ZNF318: variants seen among roughly 807,000 people sequenced by gnomAD.
The protein encoded by ZNF318 is zinc finger protein 318, also known as endocrine regulator.
In ZNF318, 51 loss-of-function variants were observed where a neutral mutation model predicts 124.2. The ratio of observed to expected loss-of-function variants is 0.41; its 90% CI spans 0.33 to 0.52. The LOEUF (loss-of-function observed/expected upper bound fraction) is 0.52, where lower values mean the gene tolerates loss of function less well. Ranked by LOEUF, ZNF318 falls within the 20% of genes least tolerant of loss-of-function variation. ZNF318 has a pLI of 0.23. For synonymous variants in ZNF318, 1,090 were observed against 1,040.7 expected, an observed-to-expected ratio of 1.05 and a Z score of -0.91; for missense variants, 2,815 against 2,811.2, an observed-to-expected ratio of 1.00 and a Z score of -0.03.
At position 43,337,820 on chromosome 6, in the gene ZNF318, C is replaced by T. The variant is rs750566293; in HGVS notation, c.6178G>A (p.Ala2060Thr). The change falls in exon 10 of 10, where the codon GCT (alanine) becomes ACT (threonine). Residue 2060 changes from alanine to threonine, a missense_variant. Ala to Thr is a moderately conservative substitution (Grantham distance 58, BLOSUM62 0). Around this residue, in one of 4 missense-constraint regions of ZNF318, gnomAD observed 927 missense variants for 820.6 expected, o/e 1.13. Coordinates refer to ENST00000361428, the MANE Select transcript of ZNF318 (RefSeq NM_014345.3). Reference sequence around the variant, plus strand: ...AAAGATGGGATTGGTTCGAAGTCAGCGGGATCGGAGGAATTACACCCTATA... The same window carrying T: ...AAAGATGGGATTGGTTCGAAGTCAGTGGGATCGGAGGAATTACACCCTATA... ...SPIGCNSSDP[A>T]DFEPIPSFSG... 1.2e-5 allele frequency: 19 copies of T among 1,614,032 alleles called. No individual in the cohort carries two copies. The highest frequency in any genetic ancestry group is 2.2e-5 in the South Asian group (2 of 91,080).
intron 3 of ZNF318, among the ~76,000 whole-genome samples, 172 bp from the exon 4 acceptor site, chr6:43,356,317 C>T (rs1779608341): frequency 6.6e-6 from 1 of 152,138 alleles, no homozygotes; most frequent in Non-Finnish European, 1.5e-5. Context: ...CCCCTTATCT[C>T]CAGATGTTTC....
rs376935771 is a variant in ZNF318, at chr6:43,365,485, A to G, written c.400-45T>C. The G allele has an allele frequency of 1.9e-5, 30 of 1,576,498 alleles. No individual in the cohort carries two copies. The African/African-American group carries it at 3.9e-4, about 21-fold the overall frequency. ...TATGGTTAGTCAATAGGGTCAAGAC[A>G]TCCCTACATCCAAAAACTCTCCTCC... On this transcript the variant is annotated intron_variant, in intron 1 of 9. Coordinates refer to ENST00000361428, the MANE Select transcript of ZNF318 (RefSeq NM_014345.3).
intron 8 of ZNF318, among the ~76,000 whole-genome samples, 161 bp downstream of exon 8, chr6:43,341,951 C>T (rs1278445774): frequency 6.6e-6 from 1 of 152,158 alleles, no homozygotes; most frequent in Non-Finnish European, 1.5e-5. Context: ...TTTATAGCTT[C>T]AGGACCTAGT....
rs1312589649 is a variant in ZNF318, at chr6:43,337,928, A to C, written c.6070T>G (p.Phe2024Val). ...GCTGGGCTTACCCGAGTAGTGCAGA[A>C]ATCAACAGGCATATCCCCCAGATTC... ...LGNLGDMPVD[F>V]CTTRVSPAHR... Residue 2024 changes from phenylalanine (F) to valine (V), a missense_variant, in exon 10 of 10, where the codon TTC (phenylalanine) becomes GTC (valine). Physicochemically the swap from Phe to Val is conservative, Grantham distance 50. This residue lies in a region of ZNF318 where 927 missense variants were observed against 820.6 expected (regional missense o/e 1.13). Transcript: ENST00000361428. 1.2e-6 allele frequency: 2 copies of C among 1,614,198 alleles called. No homozygotes were observed. The highest frequency in any genetic ancestry group is 2.2e-5 in the East Asian group (1 of 44,884).
At position 43,359,317 on chromosome 6, in the gene ZNF318, G is replaced by A. The variant is rs72855887; in HGVS notation, c.549-1552C>T. ...AAGGTCTCAGACCTTTGTGGCATGA[G>A]GTAAAAATCCAGGATGGGACAGCTA... On this transcript the variant is annotated intron_variant, in intron 2 of 9. Transcript: ENST00000361428. Among the ~76,000 whole-genome samples, 391 of 152,182 alleles carry A rather than the reference G, an allele frequency of 2.6e-3. 1 individual carries two copies. The highest frequency in any genetic ancestry group is 4.3e-3 in the Non-Finnish European group (293 of 68,006).
At chr6:43,342,563 G>T in intron 7 of ZNF318, 113 bp downstream of exon 7, 1 of 1,154,134 alleles carries the variant, frequency 8.7e-7, no homozygotes, top group Non-Finnish European at 1.2e-6. Flanking sequence ...TCAGACTGGG[G>T]CTCCTGCCCA....
At position 43,361,033 on chromosome 6, in the gene ZNF318, G is replaced by A. The variant is rs79699582; in HGVS notation, c.549-3268C>T. Reference sequence around the variant, plus strand: ...GAGGGATGCACAACTCTGAATATGCGAAAAATCACTGAACTGTACACTTCA... The same window carrying A: ...GAGGGATGCACAACTCTGAATATGCAAAAAATCACTGAACTGTACACTTCA... On this transcript the variant is annotated intron_variant, in intron 2 of 9. Transcript: ENST00000361428. Among the ~76,000 whole-genome samples the A allele has an allele frequency of 3.1e-3, 475 of 152,180 alleles. 4 individuals are homozygous for A. Among genetic ancestry groups the A allele is most frequent in the African/African-American group, 0.011 (439 of 41,544 alleles).
Position 43,338,789 on chromosome 6 carries a change from C to A in ZNF318, c.5209G>T (p.Asp1737Tyr), listed in dbSNP as rs1486590744. The change falls in exon 10 of 10, where the codon GAT (aspartate) becomes TAT (tyrosine). Residue 1737 changes from aspartate to tyrosine, a missense_variant. Transcript: ENST00000361428. ...PGVEPPPQLL[D>Y]IQCKESQKLV... ...TTCTGAGATTCTTTGCACTGTATAT[C>A]TAACAGTTGAGGAGGTGGTTCTACA... The A allele has an allele frequency of 4.3e-6, 7 of 1,613,960 alleles. No individual in the cohort carries two copies. In the East Asian group the frequency reaches 1.6e-4, roughly 36 times the overall value.
At position 43,369,104 on chromosome 6, in the gene ZNF318, C is replaced by G. The variant is rs1779800369; in HGVS notation, c.262G>C (p.Gly88Arg). 8.0e-7 allele frequency: 1 copy of G among 1,253,980 alleles called. No homozygotes were observed. The highest frequency in any genetic ancestry group is 4.2e-5 in the Admixed American group (1 of 23,790). The allele number at this position is 1,253,980 out of a possible 1,614,324, so 77.7% of individuals were successfully genotyped here. Residue 88 changes from glycine (G) to arginine (R), a missense_variant, in exon 1 of 10, where the codon GGC becomes CGC. Physicochemically the swap from Gly to Arg is moderately radical, Grantham distance 125. Coordinates refer to ENST00000361428, the MANE Select transcript of ZNF318 (RefSeq NM_014345.3). ...VSPSPPRARRGSPSPPRGRRL... is the reference protein window; with the variant it reads ...VSPSPPRARRRSPSPPRGRRL... ...CGGCCCCGCGGTGGCGACGGGGAGCCGCGACGGGCCCGAGGCGGGGACGGG... is the reference window on the plus strand; with the variant it reads ...CGGCCCCGCGGTGGCGACGGGGAGCGGCGACGGGCCCGAGGCGGGGACGGG...
intron 3 of ZNF318, 104 bp downstream of exon 3, chr6:43,357,022 C>T: frequency 7.4e-7 from 1 of 1,358,168 alleles, no homozygotes; most frequent in Non-Finnish European, 9.9e-7. Context: ...CGGTCCAGCA[C>T]ATATTACAAA....
chr6:43,350,580 G>A (rs1415491898), intron 5 of ZNF318, among the ~76,000 whole-genome samples: 3 of 151,962 alleles, frequency 2.0e-5, no homozygotes, highest in African/African-American at 7.3e-5. Flanking sequence ...GCTCATGCCT[G>A]TAATCCTAGC....
Position 43,355,522 on chromosome 6 carries a change from T to G in ZNF318, c.1812A>C (p.Gly604=), listed in dbSNP as rs143985620. ...DLLKTIGLDI[G]VAEISQLAAR... ...CAGCCAATTGACTAATCTCTGCTAC[T>G]CCAATATCCAGCCCTATTGTCTTGA... The change falls in exon 4 of 10, where the codon GGA becomes GGC. Residue 604 remains glycine, a synonymous_variant. Transcript: ENST00000361428. 29 of 1,614,098 alleles carry G rather than the reference T, an allele frequency of 1.8e-5. No homozygotes were observed. Among genetic ancestry groups the G allele is most frequent in the African/African-American group, 1.7e-4 (13 of 74,926 alleles).
rs780278617 is a variant in ZNF318, at chr6:43,348,317, T to C, written c.3072+7A>G. 1 of 1,596,260 alleles carries C rather than the reference T, an allele frequency of 6.3e-7. No individual in the cohort carries two copies. Among genetic ancestry groups the C allele is most frequent in the Admixed American group, 1.8e-5 (1 of 56,274 alleles). ...AGATGATAGAAATGGAAAAATTGAGTTGTTACCTTGTTGGAGGAGGAGTTT... is the reference window on the plus strand; with the variant it reads ...AGATGATAGAAATGGAAAAATTGAGCTGTTACCTTGTTGGAGGAGGAGTTT... On this transcript the variant is annotated splice_region_variant and intron_variant, in intron 6 of 9. Coordinates refer to ENST00000361428, the MANE Select transcript of ZNF318 (RefSeq NM_014345.3).
At position 43,337,457 on chromosome 6, in the gene ZNF318, C is replaced by A; in HGVS notation, c.6541G>T (p.Gly2181Ter). ...DLVDFVTRTS[G>*]VQKDKLCSPL... The stretch of plus-strand genomic sequence containing the variant: ...GAACACAGTTTATCTTTTTGAACTC[C>A]AGAGGTCCGTGTGACAAAGTCAACA... The change falls in exon 10 of 10, where the codon GGA (glycine) becomes TGA (stop). Residue 2181 changes from glycine (G) to a stop codon, truncating the protein, a stop_gained. Coordinates refer to ENST00000361428, the MANE Select transcript of ZNF318 (RefSeq NM_014345.3). LOFTEE classifies it low-confidence loss of function (END_TRUNC). 6.2e-7 allele frequency: 1 copy of A among 1,614,136 alleles called. No homozygotes were observed. Among genetic ancestry groups the A allele is most frequent in the Non-Finnish European group, 8.5e-7 (1 of 1,180,024 alleles).
chr6:43,357,439 A>C lies in ZNF318; in HGVS notation c.875T>G (p.Phe292Cys), dbSNP rs1324265939. Residue 292 changes from phenylalanine (F) to cysteine (C), a missense_variant, in exon 3 of 10, where the codon TTT becomes TGT. Phe to Cys is a radical substitution (Grantham distance 205). Transcript: ENST00000361428. Reference sequence around the variant, plus strand: ...TCGATAGTTGCGAGTTCCTGATGTAAAACTTGGGTGATCCCCTCCCATGCT... The same window carrying C: ...TCGATAGTTGCGAGTTCCTGATGTACAACTTGGGTGATCCCCTCCCATGCT... ...INSMGGDHPS[F>C]TSGTRNYRQR... 6.2e-7 allele frequency: 1 copy of C among 1,614,008 alleles called. No individual in the cohort carries two copies. Among genetic ancestry groups the C allele is most frequent in the Non-Finnish European group, 8.5e-7 (1 of 1,180,022 alleles).
At chr6:43,361,884 G>A (rs1351477623) in intron 2 of ZNF318, among the ~76,000 whole-genome samples, 2 of 152,174 alleles carry the variant, frequency 1.3e-5, no homozygotes, top group African/African-American at 2.4e-5. Flanking sequence ...GGCCAGGCAT[G>A]GTGGCTCATG....
chr6:43,340,729 C>A lies in ZNF318; in HGVS notation c.3495+61G>T, dbSNP rs560105508. The A allele has an allele frequency of 6.4e-6, 10 of 1,553,496 alleles. No individual in the cohort carries two copies. The South Asian group carries it at 1.0e-4, about 16-fold the overall frequency. ...TTTTTCTGGCTCGGACGCCATTTGA[C>A]AAAGTCAAAATAATTACTTCAGAAA... On this transcript the variant is annotated intron_variant, in intron 9 of 9. Coordinates refer to ENST00000361428, the MANE Select transcript of ZNF318 (RefSeq NM_014345.3).
rs769430998 is a variant in ZNF318 at position 43,355,397 on chromosome 6, G to T, written c.1937C>A (p.Ser646Tyr). The T allele has an allele frequency of 6.2e-7, 1 of 1,614,104 alleles. No homozygotes were observed. Among genetic ancestry groups the T allele is most frequent in the South Asian group, 1.1e-5 (1 of 91,064 alleles). ...VDRYFSADHC[S>Y]SVDHRFSADR... ...AGCTGAGAAGCGGTGGTCAACTGAG[G>T]AACAGTGGTCAGCTGAAAAGTATCG... is the stretch of plus-strand genomic sequence containing the variant. The change falls in exon 4 of 10, where the codon TCC (serine) becomes TAC (tyrosine). Residue 646 changes from serine to tyrosine, a missense_variant. Transcript: ENST00000361428.
At chr6:43,346,830 G>A (rs139245082) in intron 6 of ZNF318, among the ~76,000 whole-genome samples, 2,950 of 152,240 alleles carry the variant, frequency 0.019, 50 homozygotes, top group South Asian at 0.043. Flanking sequence ...GTGACGCAGC[G>A]TAAGATGTAA....
Sources: allele counts gnomAD v4.1 joint callset (sites outside exome capture counted in the v4.1 genomes callset), GRCh38; gene constraint gnomAD v4.1.1; regional missense constraint gnomAD v4.1.1; transcripts MANE v1.5; gene names NCBI Gene and HGNC (gene_info 2026-07-23, HGNC 2026-07-21).